PCDH11X: variants seen among roughly 807,000 people sequenced by gnomAD.
PCDH11X encodes the protein protocadherin 11 X-linked, also known as protocadherin-11 X-linked.
PCDH11X carries 18 observed loss-of-function variants against 53.3 expected under a neutral mutation model. The observed-to-expected ratio is 0.34, with a 90% confidence interval of 0.23 to 0.50. PCDH11X has a LOEUF of 0.50. PCDH11X is among the 20% of genes least tolerant of loss of function. The pLI is 0.98. For missense variants in PCDH11X, 570 were observed against 1,032.4 expected (o/e 0.55, Z 6.14); for synonymous variants, 279 against 393.3 (o/e 0.71, Z 3.44).
chrX:92,273,303 G>T (rs1031077897), intron 8 of PCDH11X, among the ~76,000 whole-genome samples: 2 of 111,126 alleles, frequency 1.8e-5, no homozygotes, highest in African/African-American at 3.3e-5. Context: ...GTGCTCAGTG[G>T]GGGAGCTTCT....
chrX:92,345,039 C>T (rs1295972004), intron 8 of PCDH11X, among the ~76,000 whole-genome samples: 1 of 109,788 alleles, frequency 9.1e-6, no homozygotes, highest in Non-Finnish European at 1.9e-5. Context: ...TGTTTCTTTT[C>T]CTTTTTTACC....
chrX:92,297,214 C>A (rs1313445447), intron 8 of PCDH11X, among the ~76,000 whole-genome samples: 1 of 109,574 alleles, frequency 9.1e-6, no homozygotes, highest in Non-Finnish European at 1.9e-5. Context: ...GTTATAAAAT[C>A]TTTGCCAGGT....
chrX:92,468,311 G>C lies in PCDH11X; in HGVS notation c.3356G>C (p.Gly1119Ala). ...NSDPESTFIP[G>A]LKKAAEITVQ... ...AATTTCTTTTTAGCTTTCATACCTG[G>C]ACTAAAGAAAGGTACAGTAGAAATC... is the stretch of plus-strand genomic sequence containing the variant. The change falls in exon 10 of 11, where the codon GGA becomes GCA. Residue 1119 changes from glycine to alanine, a missense_variant. Physicochemically the swap from Gly to Ala is moderately conservative, Grantham distance 60. Coordinates refer to ENST00000682573, the MANE Select transcript of PCDH11X (RefSeq NM_032968.5). 1 of 1,163,571 alleles carries C rather than the reference G, an allele frequency of 8.6e-7. No homozygotes were observed. The highest frequency in any genetic ancestry group is 1.1e-6 in the Non-Finnish European group (1 of 870,045).
chrX:91,789,107 C>A (rs1435777156), intron 1 of PCDH11X, among the ~76,000 whole-genome samples: 1 of 100,202 alleles, frequency 1.0e-5, no homozygotes, highest in East Asian at 3.1e-4. Context: ...GAGGCTGAGG[C>A]AGGAGAATCC....
chrX:92,522,165 A>G (rs1437043127), intron 10 of PCDH11X, among the ~76,000 whole-genome samples: 4 of 111,974 alleles, frequency 3.6e-5, no homozygotes, highest in Non-Finnish European at 7.5e-5. Context: ...GGCTTTTGAC[A>G]TGTCTTTCTC....
At chrX:92,365,042 G>T (rs2070438521) in intron 8 of PCDH11X, among the ~76,000 whole-genome samples, 1 of 79,845 alleles carries the variant, frequency 1.3e-5, no homozygotes, top group Non-Finnish European at 2.5e-5. Flanking sequence ...ATTAGCATAG[G>T]CTTGCATAGC....
Position 92,480,038 on chromosome X carries a change from T to C in PCDH11X, c.3367+11716T>C, listed in dbSNP as rs1021147111. On this transcript the variant is annotated intron_variant, in intron 10 of 10. Coordinates refer to ENST00000682573, the MANE Select transcript of PCDH11X (RefSeq NM_032968.5). ...AATTCCATTTTTTTTGGAGGTTTTA[T>C]GTATTCCTTTTAATTCTTTTTTCCC... Among the ~76,000 whole-genome samples the C allele has an allele frequency of 2.5e-4, 28 of 111,316 alleles. 1 individual carries two copies.
Position 92,182,307 on chromosome X carries a change from C to T in PCDH11X, c.3034-19068C>T, listed in dbSNP as rs749860725. ...GCTGTATTTACCGATTGCCTATACC[C>T]CCATTGTATTTAGGAAGTAACTAAC... On this transcript the variant is annotated intron_variant, in intron 6 of 10. Coordinates refer to ENST00000682573, the MANE Select transcript of PCDH11X (RefSeq NM_032968.5). 4.5e-5 allele frequency among the ~76,000 whole-genome samples: 5 copies of T among 111,924 alleles called. No individual in the cohort carries two copies. The East Asian group carries it at 8.5e-4, about 19-fold the overall frequency.
At chrX:92,126,959 G>C (rs1314342588) in intron 6 of PCDH11X, among the ~76,000 whole-genome samples, 2 of 106,376 alleles carry the variant, frequency 1.9e-5, no homozygotes, top group African/African-American at 6.8e-5. Flanking sequence ...GTTTGATTCA[G>C]TTGTAATTCA....
intron 6 of PCDH11X, among the ~76,000 whole-genome samples, chrX:91,921,545 A>G (rs968253612): frequency 1.9e-5 from 2 of 107,615 alleles, no homozygotes; most frequent in African/African-American, 6.8e-5. Context: ...AGAATGTCAT[A>G]TAGTTAGAAT....
At chrX:92,342,978 A>T (rs1397345789) in intron 8 of PCDH11X, among the ~76,000 whole-genome samples, 2 of 112,433 alleles carry the variant, frequency 1.8e-5, no homozygotes, top group Non-Finnish European at 3.8e-5. Context: ...AATATGAAAC[A>T]TTTTCCAAGA....
chrX:91,977,012 A>G (rs1306629208), intron 6 of PCDH11X, among the ~76,000 whole-genome samples: 1 of 109,623 alleles, frequency 9.1e-6, no homozygotes, highest in Admixed American at 9.8e-5. Flanking sequence ...TTGTCCAGAA[A>G]TTGTTCAACC....
intron 9 of PCDH11X, among the ~76,000 whole-genome samples, chrX:92,452,463 G>GTATATATATATATATA (rs763381982): frequency 2.2e-5 from 1 of 44,729 alleles, no homozygotes; most frequent in Non-Finnish European, 3.7e-5. Flanking sequence ...GTGTGTGTGT[G>GTATATATATATATATA]TATATATATA....
chrX:92,006,250 T>G (rs868624544), intron 6 of PCDH11X, among the ~76,000 whole-genome samples: 2 of 110,978 alleles, frequency 1.8e-5, no homozygotes, highest in Middle Eastern at 4.7e-3. Context: ...AAATTTGTCC[T>G]TTTGAGGCTA....
At chrX:92,172,840 AG>A (rs1362579280) in intron 6 of PCDH11X, among the ~76,000 whole-genome samples, 1 of 111,934 alleles carries the variant, frequency 8.9e-6, no homozygotes, top group African/African-American at 3.2e-5. Context: ...CATGCATGGA[AG>A]TATCACAGTC....
intron 10 of PCDH11X, among the ~76,000 whole-genome samples, chrX:92,575,095 G>T (rs1399777376): frequency 9.1e-6 from 1 of 110,478 alleles, no homozygotes; most frequent in Non-Finnish European, 1.9e-5. Flanking sequence ...TATTTGGTTT[G>T]CTATATTATT....
intron 6 of PCDH11X, among the ~76,000 whole-genome samples, chrX:92,190,648 C>A (rs1307336729): frequency 2.7e-5 from 3 of 111,470 alleles, no homozygotes; most frequent in Non-Finnish European, 5.7e-5. Context: ...TGTTTTGTTT[C>A]TTTTAAAACA....
chrX:92,555,891 A>G (rs1385748896), intron 10 of PCDH11X, among the ~76,000 whole-genome samples: 1 of 111,763 alleles, frequency 8.9e-6, no homozygotes, highest in Non-Finnish European at 1.9e-5. Context: ...TTGTAAAGGT[A>G]AGAGGTATAA....
At chrX:92,336,262 T>C (rs1481097953) in intron 8 of PCDH11X, among the ~76,000 whole-genome samples, 1 of 111,755 alleles carries the variant, frequency 8.9e-6, no homozygotes, top group African/African-American at 3.2e-5. Context: ...GTCTGGAGGA[T>C]TCACACACAA....
Sources: allele counts gnomAD v4.1 joint callset (sites outside exome capture counted in the v4.1 genomes callset), GRCh38; gene constraint gnomAD v4.1.1; transcripts MANE v1.5; gene names NCBI Gene and HGNC (gene_info 2026-07-23, HGNC 2026-07-21).